The following MAP4K1 variants were observed in gnomAD, a reference collection of about 807,000 sequenced individuals.
MAP4K1 encodes mitogen-activated protein kinase kinase kinase kinase 1.
In MAP4K1, 35 loss-of-function variants were observed where a neutral mutation model predicts 122.8. The observed-to-expected ratio is 0.29, with a 90% CI of 0.22 to 0.38. The LOEUF (loss-of-function observed/expected upper bound fraction) is 0.38. Ranked by LOEUF, MAP4K1 falls within the 10% of genes least tolerant of loss-of-function variation. The probability of loss-of-function intolerance (pLI) is 1.00; values close to 1 mark genes in which losing one functional copy is unlikely to be tolerated. For synonymous variants in MAP4K1, 412 were observed against 421.3 expected (o/e 0.98, Z 0.27); for missense variants, 791 against 1,072.6 (o/e 0.74, Z 3.67).
At chr19:38,588,636 C>T (rs992801978) in intron 30 of MAP4K1, among the ~76,000 whole-genome samples, 1 of 151,908 alleles carries the variant, frequency 6.6e-6, no homozygotes. Context: ...ACTATAGTCC[C>T]AGCTACTCGG....
At chr19:38,594,325 C>T (rs1974806425) in intron 29 of MAP4K1, among the ~76,000 whole-genome samples, 1 of 151,972 alleles carries the variant, frequency 6.6e-6, no homozygotes, top group Admixed American at 6.6e-5. Context: ...TCAGCCTGGA[C>T]AAGAGAGAGA....
chr19:38,601,408 T>C lies in MAP4K1; in HGVS notation c.1531+33A>G, dbSNP rs1187283581. 4 of 1,574,140 alleles carry C rather than the reference T, an allele frequency of 2.5e-6. No homozygotes were observed. In the South Asian group the frequency reaches 4.6e-5, roughly 18 times the overall value. On this transcript the variant is annotated intron_variant, in intron 20 of 30. Transcript: ENST00000396857. The stretch of plus-strand genomic sequence containing the variant: ...CCCCTACTTTTGCTCTCCCATTCCC[T>C]ACAGGATCTCCTTGACCCTCCAGAA...
intron 30 of MAP4K1, among the ~76,000 whole-genome samples, chr19:38,588,864 A>G (rs900447269): frequency 4.0e-5 from 6 of 151,828 alleles, no homozygotes; most frequent in African/African-American, 1.4e-4. Flanking sequence ...GGTTGCAGTG[A>G]GCTGAGATCA....
chr19:38,595,893 T>C (rs770107545), intron 27 of MAP4K1, 46 bp downstream of exon 27: 12 of 1,599,990 alleles, frequency 7.5e-6, no homozygotes, highest in African/African-American at 1.3e-5. Context: ...ATCTAGGGAC[T>C]GCAGCTGGAG....
chr19:38,607,808 T>C, intron 16 of MAP4K1, 56 bp downstream of exon 16: 4 of 1,578,138 alleles, frequency 2.5e-6, no homozygotes, highest in Non-Finnish European at 3.5e-6. Context: ...CAGGGGATTG[T>C]AGGAAGGTGG....
Position 38,587,740 on chromosome 19 carries a change from C to G in MAP4K1, c.*8G>C, listed in dbSNP as rs1272595285. 4 of 1,612,558 alleles carry G rather than the reference C, an allele frequency of 2.5e-6. No individual in the cohort carries two copies. Among genetic ancestry groups the G allele is most frequent in the South Asian group, 2.2e-5 (2 of 91,048 alleles). On this transcript the variant is annotated 3_prime_UTR_variant, in exon 31 of 31. Transcript: ENST00000396857. ...GCAAGGACTAGTTCCTGACACCCCC[C>G]TAGGGACTCATTCCTGGATGTAGAG...
At position 38,597,201 on chromosome 19, in the gene MAP4K1, C is replaced by T. The variant is rs1974917477; in HGVS notation, c.1838-64G>A. ...CTATCCTCCTCGCCACCCACACTAC[C>T]ACCCATCTTCTGGGTTCTGGACACA... On this transcript the variant is annotated intron_variant, in intron 24 of 30. Coordinates refer to ENST00000396857, the MANE Select transcript of MAP4K1 (RefSeq NM_001042600.3). This position sits in a 1 kb window ranked among gnomAD's most constrained non-coding sequence, Gnocchi z 4.6. 4 of 1,593,554 alleles carry T rather than the reference C, an allele frequency of 2.5e-6. No homozygotes were observed. The African/African-American group carries it at 5.4e-5, about 21-fold the overall frequency.
In MAP4K1 at chr19:38,595,876, G is replaced by C. The variant is rs921808501; in HGVS notation, c.2179+63C>G. The C allele has an allele frequency of 7.0e-6, 11 of 1,582,542 alleles. No individual in the cohort carries two copies. The African/African-American group carries it at 1.5e-4, about 21-fold the overall frequency. On this transcript the variant is annotated intron_variant, in intron 27 of 30. Coordinates refer to ENST00000396857, the MANE Select transcript of MAP4K1 (RefSeq NM_001042600.3). Reference sequence around the variant, plus strand: ...GGGTTCTGAGAAGCACAAGTTCGGAGGCAGAGATCTAGGGACTGCAGCTGG... The same window carrying C: ...GGGTTCTGAGAAGCACAAGTTCGGACGCAGAGATCTAGGGACTGCAGCTGG...
At chr19:38,596,555 T>C in intron 25 of MAP4K1, 69 bp from the exon 26 acceptor site, 2 of 1,313,170 alleles carry the variant, frequency 1.5e-6, no homozygotes, top group Non-Finnish European at 2.0e-6. Flanking sequence ...GCGTGGCTTG[T>C]AGCTGGCCTG....
chr19:38,611,852 A>G (rs1484931894), intron 9 of MAP4K1, among the ~76,000 whole-genome samples: 3 of 151,586 alleles, frequency 2.0e-5, no homozygotes, highest in African/African-American at 7.3e-5. Context: ...TAATCCCAGC[A>G]TTTTGGGAGG....
rs746887602 is a variant in MAP4K1 at position 38,617,814 on chromosome 19, A to G, written c.82T>C (p.Tyr28His). The G allele has an allele frequency of 4.6e-5, 74 of 1,613,848 alleles. No individual in the cohort carries two copies. The highest frequency in any genetic ancestry group is 6.2e-5 in the Non-Finnish European group (73 of 1,179,922). ...DLLQRLGGGT[Y>H]GEVFKARDKV... ...TTCCTCACCTTAAAGACTTCCCCAT[A>G]CGTGCCGCCACCCAGCCGCTGTAGC... Residue 28 changes from tyrosine (Y) to histidine (H), a missense_variant, in exon 1 of 31, where the codon TAT becomes CAT. Around this residue, in one of 4 missense-constraint regions of MAP4K1, gnomAD observed 163 missense variants for 286.1 expected, o/e 0.57. Coordinates refer to ENST00000396857, the MANE Select transcript of MAP4K1 (RefSeq NM_001042600.3). The surrounding 1 kb of genome is among the most constrained non-coding windows in gnomAD (Gnocchi z 4.1).
intron 4 of MAP4K1, among the ~76,000 whole-genome samples, chr19:38,615,486 G>C (rs1975622513): frequency 6.6e-6 from 1 of 152,106 alleles, no homozygotes; most frequent in African/African-American, 2.4e-5. Flanking sequence ...GACAAAGACA[G>C]AGGTCAGAGG....
At chr19:38,603,332 G>A (rs140960538) in intron 19 of MAP4K1, among the ~76,000 whole-genome samples, 2,080 of 135,630 alleles carry the variant, frequency 0.015, 68 homozygotes, top group Admixed American at 0.086. Flanking sequence ...ACATATATAC[G>A]CATATACATA....
intron 19 of MAP4K1, among the ~76,000 whole-genome samples, chr19:38,604,258 C>T (rs749158542): frequency 3.3e-5 from 5 of 151,472 alleles, no homozygotes; most frequent in African/African-American, 7.3e-5. Context: ...TATGCATGTA[C>T]GTAAAAACAC....
chr19:38,590,050 G>A (rs1974657890), intron 30 of MAP4K1, among the ~76,000 whole-genome samples: 1 of 151,434 alleles, frequency 6.6e-6, no homozygotes, highest in Non-Finnish European at 1.5e-5. Flanking sequence ...GAAAAAGGGA[G>A]AAAAAAGCAA....
chr19:38,604,128 CAAAAAA>C (rs200072842), intron 19 of MAP4K1, among the ~76,000 whole-genome samples: 10 of 53,518 alleles, frequency 1.9e-4, no homozygotes, highest in African/African-American at 3.7e-4. Flanking sequence ...GATACTATCT[CAAAAAA>C]AAAAAAAAAA....
intron 9 of MAP4K1, 112 bp from the exon 10 acceptor site, chr19:38,611,417 C>A (rs1975495345): frequency 4.0e-6 from 3 of 744,588 alleles, no homozygotes; most frequent in Non-Finnish European, 7.2e-6. Flanking sequence ...TGAGAAACAG[C>A]ATGGAAGTGA....
In MAP4K1 at chr19:38,597,244, CCTT is replaced by C. The variant is rs1974918410; in HGVS notation, c.1837+79_1837+81del. 3 of 1,602,150 alleles carry C rather than the reference CCTT, an allele frequency of 1.9e-6. No homozygotes were observed. The highest frequency in any genetic ancestry group is 2.6e-6 in the Non-Finnish European group (3 of 1,169,970). On this transcript the variant is annotated intron_variant, in intron 24 of 30. Transcript: ENST00000396857. The surrounding 1 kb of genome is among the most constrained non-coding windows in gnomAD (Gnocchi z 4.6). ...TGGACACATTGCCTTAACTCTGTAA[CCTT>C]CTCAGGTGGATGCAGTTCAAGCCCC...
chr19:38,616,357 G>T, intron 3 of MAP4K1, 98 bp from the exon 4 acceptor site: 5 of 834,242 alleles, frequency 6.0e-6, no homozygotes, highest in Non-Finnish European at 9.3e-6. Context: ...AGTTCAATAA[G>T]AACTTTAACG....
Sources: gnomAD v4.1 joint callset for allele counts (sites outside exome capture counted in the v4.1 genomes callset) on GRCh38, gnomAD v4.1.1 for gene constraint, gnomAD v4.1.1 regional missense constraint, Gnocchi (gnomAD v3.1) non-coding constraint, MANE v1.5 for transcripts, NCBI Gene and HGNC (gene_info 2026-07-23, HGNC 2026-07-21) for gene names.